The following ZMAT4 variants were observed in gnomAD, a reference collection of about 807,000 sequenced individuals.
ZMAT4 encodes the protein zinc finger matrin-type 4.
ZMAT4 carries 17 observed loss-of-function variants against 28.7 expected under a neutral mutation model. The observed-to-expected ratio is 0.59, with a 90% CI of 0.41 to 0.89. The LOEUF (loss-of-function observed/expected upper bound fraction) is 0.89, where lower values mean the gene tolerates loss of function less well. Ranked by LOEUF, ZMAT4 falls within the 40% of genes least tolerant of loss-of-function variation. The pLI is 0.00. For missense variants in ZMAT4, 240 were observed against 283.8 expected (o/e 0.85, Z 1.11); for synonymous variants, 117 against 109.2 (o/e 1.07, Z -0.44).
intron 1 of ZMAT4, among the ~76,000 whole-genome samples, chr8:40,879,913 C>T (rs150091731): frequency 1.5e-3 from 224 of 149,854 alleles, no homozygotes; most frequent in African/African-American, 4.7e-3. Flanking sequence ...ATTGTATGGA[C>T]GTACCGAACT....
rs1806941469 is a variant in ZMAT4, at chr8:40,639,783, C to T, written c.577+34921G>A. ...TAAGTCCTTTTGTTACACACACACA[C>T]ACACACACACACACACACATTCTTT... On this transcript the variant is annotated intron_variant, in intron 5 of 6. Coordinates refer to ENST00000297737, the MANE Select transcript of ZMAT4 (RefSeq NM_024645.3). Among the ~76,000 whole-genome samples, 6 of 151,548 alleles carry T rather than the reference C, an allele frequency of 4.0e-5. No homozygotes were observed. The South Asian group carries it at 1.3e-3, about 32-fold the overall frequency.
intron 5 of ZMAT4, among the ~76,000 whole-genome samples, chr8:40,647,737 A>G (rs369195665): frequency 1.2e-4 from 19 of 152,182 alleles, no homozygotes; most frequent in African/African-American, 3.1e-4. Flanking sequence ...CTGAGAACGG[A>G]CAGACTGCCT....
At chr8:40,800,098 A>T (rs1253478671) in intron 2 of ZMAT4, among the ~76,000 whole-genome samples, 1 of 152,250 alleles carries the variant, frequency 6.6e-6, no homozygotes, top group Non-Finnish European at 1.5e-5. Context: ...GCATGGCAGC[A>T]TTTGAGTCAA....
intron 3 of ZMAT4, among the ~76,000 whole-genome samples, chr8:40,737,010 A>G (rs1193386867): frequency 1.3e-5 from 2 of 152,218 alleles, no homozygotes; most frequent in African/African-American, 4.8e-5. Flanking sequence ...AAAGATCTAT[A>G]AAGCATTTGG....
intron 2 of ZMAT4, among the ~76,000 whole-genome samples, chr8:40,781,375 C>A (rs1414094556): frequency 6.6e-6 from 1 of 152,112 alleles, no homozygotes; most frequent in Non-Finnish European, 1.5e-5. Flanking sequence ...AGCTCACACT[C>A]CCCAGTTCAA....
At chr8:40,677,875 A>G (rs2150476218) in intron 4 of ZMAT4, among the ~76,000 whole-genome samples, 1 of 152,336 alleles carries the variant, frequency 6.6e-6, no homozygotes, top group South Asian at 2.1e-4. Flanking sequence ...TATTTACTTT[A>G]CCTGCCCTTT....
At chr8:40,579,772 A>T (rs28669732) in intron 6 of ZMAT4, among the ~76,000 whole-genome samples, 2,687 of 152,234 alleles carry the variant, frequency 0.018, 66 homozygotes, top group African/African-American at 0.059. Context: ...ATAAAGACCC[A>T]ATAACATATC....
chr8:40,592,063 T>C (rs1441094521), intron 5 of ZMAT4, among the ~76,000 whole-genome samples: 1 of 152,208 alleles, frequency 6.6e-6, no homozygotes, highest in Admixed American at 6.5e-5. Flanking sequence ...GAAACTGTTA[T>C]GTGAAATAGA....
intron 3 of ZMAT4, among the ~76,000 whole-genome samples, chr8:40,701,211 C>A (rs191790399): frequency 6.6e-6 from 1 of 152,234 alleles, no homozygotes; most frequent in Non-Finnish European, 1.5e-5. Context: ...CTCTCCTGAG[C>A]AATCTCATTA....
intron 5 of ZMAT4, 128 bp from the exon 6 acceptor site, chr8:40,581,389 A>G: frequency 1.5e-6 from 1 of 667,342 alleles, no homozygotes; most frequent in East Asian, 2.7e-5. Flanking sequence ...CCAACACTTC[A>G]ACCCTTCCTT....
At chr8:40,801,350 AAATATAT>A (rs1246087030) in intron 2 of ZMAT4, among the ~76,000 whole-genome samples, 4 of 77,346 alleles carry the variant, frequency 5.2e-5, no homozygotes, top group African/African-American at 1.9e-4. Context: ...TTAAAAAAAA[AAATATAT>A]ATATATATAT....
intron 1 of ZMAT4, among the ~76,000 whole-genome samples, chr8:40,863,629 T>C (rs966095705): frequency 2.6e-5 from 4 of 152,166 alleles, no homozygotes; most frequent in African/African-American, 9.7e-5. Flanking sequence ...TGTCCAGTAC[T>C]AATTGCTTGG....
intron 3 of ZMAT4, among the ~76,000 whole-genome samples, chr8:40,721,491 C>A (rs1009230639): frequency 2.8e-5 from 4 of 144,136 alleles, no homozygotes; most frequent in Non-Finnish European, 4.5e-5. Context: ...TGGGTATATA[C>A]CCAGTAATGG....
chr8:40,703,565 G>A (rs1810234472), intron 3 of ZMAT4, among the ~76,000 whole-genome samples: 1 of 152,156 alleles, frequency 6.6e-6, no homozygotes, highest in Non-Finnish European at 1.5e-5. Flanking sequence ...TGATTGTCTA[G>A]GAATCAGAGG....
intron 1 of ZMAT4, among the ~76,000 whole-genome samples, chr8:40,827,109 ATGGCCTCGCTT>A (rs1216880655): frequency 6.6e-6 from 1 of 152,198 alleles, no homozygotes; most frequent in Non-Finnish European, 1.5e-5. Flanking sequence ...AGCCAAAAAT[ATGGCCTCGCTT>A]GCATGATTCC....
At chr8:40,787,704 G>A (rs974934774) in intron 2 of ZMAT4, among the ~76,000 whole-genome samples, 6 of 152,266 alleles carry the variant, frequency 3.9e-5, no homozygotes, top group East Asian at 1.9e-4. Flanking sequence ...CTGACAACCC[G>A]TGTGGTCTAC....
At chr8:40,568,764 T>G (rs916287780) in intron 6 of ZMAT4, among the ~76,000 whole-genome samples, 1 of 152,110 alleles carries the variant, frequency 6.6e-6, no homozygotes, top group Non-Finnish European at 1.5e-5. Flanking sequence ...AATTAGTAGA[T>G]AGGTTCAGGA....
At chr8:40,615,330 C>A (rs1173495079) in intron 5 of ZMAT4, among the ~76,000 whole-genome samples, 1 of 152,158 alleles carries the variant, frequency 6.6e-6, no homozygotes, top group Non-Finnish European at 1.5e-5. Context: ...TGTGAGTAAC[C>A]CGACCTTTCT....
chr8:40,629,007 C>CTTT (rs55887019), intron 5 of ZMAT4, among the ~76,000 whole-genome samples: 2 of 145,518 alleles, frequency 1.4e-5, no homozygotes, highest in South Asian at 2.2e-4. Context: ...GCTTTCTTTT[C>CTTT]TTTTTTTTTT....
Sources: gnomAD v4.1 joint callset for allele counts (sites outside exome capture counted in the v4.1 genomes callset) on GRCh38, gnomAD v4.1.1 for gene constraint, MANE v1.5 for transcripts, NCBI Gene and HGNC (gene_info 2026-07-23, HGNC 2026-07-21) for gene names.